TMEM45B: variants seen among roughly 807,000 people sequenced by gnomAD.
TMEM45B encodes the protein transmembrane protein 45B.
A neutral mutation model predicts 27.3 loss-of-function variants in TMEM45B; 29 were observed. The ratio of observed to expected loss-of-function variants is 1.06; its 90% CI spans 0.79 to 1.45. TMEM45B has a LOEUF of 1.45. TMEM45B is among the 40% of genes most tolerant of loss of function. TMEM45B has a pLI of 0.00. For synonymous variants in TMEM45B, 143 were observed against 134.7 expected, an observed-to-expected ratio of 1.06 and a Z score of -0.43; for missense variants, 348 against 343.9, an observed-to-expected ratio of 1.01 and a Z score of -0.09.
Position 129,859,277 on chromosome 11 carries a change from G to A in TMEM45B, c.*592G>A, listed in dbSNP as rs939948258. On this transcript the variant is annotated 3_prime_UTR_variant, in exon 6 of 6. Transcript: ENST00000281441. ...TACTGCAATACCACTGTTTATAAGTGACAAAATTAGGCCAAAGGTGATTTT... is the reference window on the plus strand; with the variant it reads ...TACTGCAATACCACTGTTTATAAGTAACAAAATTAGGCCAAAGGTGATTTT... 6.6e-6 allele frequency: 1 copy of A among 152,090 alleles called. No homozygotes were observed. Among genetic ancestry groups the A allele is most frequent in the African/African-American group, 2.4e-5 (1 of 41,404 alleles). The allele number at this position is 152,090 out of a possible 1,614,324, so 9.4% of individuals were successfully genotyped here.
chr11:129,842,798 T>A (rs1006537390), intron 1 of TMEM45B, among the ~76,000 whole-genome samples: 4 of 151,956 alleles, frequency 2.6e-5, no homozygotes, highest in Admixed American at 1.3e-4. Flanking sequence ...AGTAAAGGAG[T>A]AGGATTGCAT....
At chr11:129,854,936 C>A in intron 3 of TMEM45B, 120 bp downstream of exon 3, 1 of 1,207,250 alleles carries the variant, frequency 8.3e-7, no homozygotes, top group Non-Finnish European at 1.2e-6. Flanking sequence ...AAATCCACAT[C>A]TCTGGACTGC....
At chr11:129,853,114 A>G (rs1290282085) in intron 2 of TMEM45B, among the ~76,000 whole-genome samples, 2 of 152,178 alleles carry the variant, frequency 1.3e-5, no homozygotes, top group Non-Finnish European at 2.9e-5. Context: ...TCAAGCGCTT[A>G]TAGAGAGTTT....
intron 4 of TMEM45B, 129 bp downstream of exon 4, chr11:129,856,021 T>A: frequency 9.2e-7 from 1 of 1,082,956 alleles, no homozygotes; most frequent in Non-Finnish European, 1.3e-6. Flanking sequence ...CAAAGGGGTT[T>A]AGATGACCCT....
chr11:129,855,868 T>C lies in TMEM45B; in HGVS notation c.546T>C (p.Ile182=). ...VLELFRTSLI[I]LQGTWFWQIG... is the part of the protein sequence containing the mutation. ...AACTTTTCCGAACCAGTCTCATCAT[T>C]CTTCAGGGAACCTGGTTCTGGCAGG... The change falls in exon 4 of 6, where the codon ATT becomes ATC. Residue 182 remains isoleucine (I), a synonymous_variant. Coordinates refer to ENST00000281441, the MANE Select transcript of TMEM45B (RefSeq NM_138788.5). 6.2e-7 allele frequency: 1 copy of C among 1,614,170 alleles called. No homozygotes were observed. The highest frequency in any genetic ancestry group is 8.5e-7 in the Non-Finnish European group (1 of 1,180,032).
At chr11:129,842,167 G>A (rs1947704043) in intron 1 of TMEM45B, among the ~76,000 whole-genome samples, 3 of 152,182 alleles carry the variant, frequency 2.0e-5, no homozygotes, top group African/African-American at 7.2e-5. Flanking sequence ...CAGACCTTCA[G>A]ACACACATGG....
rs1947917638 is a variant in TMEM45B at position 129,855,905 on chromosome 11, AC to A, written c.570+16del. On this transcript the variant is annotated intron_variant, in intron 4 of 5. Transcript: ENST00000281441. ...CTGGTTCTGGCAGGTGATTTTCCACACCCAGGCCCCTCGCTGGTCTGGATGG... is the reference window on the plus strand; with the variant it reads ...CTGGTTCTGGCAGGTGATTTTCCACACCAGGCCCCTCGCTGGTCTGGATGG... The A allele has an allele frequency of 6.2e-7, 1 of 1,613,568 alleles. No individual in the cohort carries two copies. The highest frequency in any genetic ancestry group is 1.7e-5 in the Admixed American group (1 of 60,006).
chr11:129,853,195 ACT>A (rs1380661263), intron 2 of TMEM45B, among the ~76,000 whole-genome samples: 1 of 152,072 alleles, frequency 6.6e-6, no homozygotes, highest in Non-Finnish European at 1.5e-5. Flanking sequence ...ATTTTCCTTC[ACT>A]CTGCCCCATT....
chr11:129,820,362 G>T (rs1294496830), intron 1 of TMEM45B, among the ~76,000 whole-genome samples: 2 of 152,124 alleles, frequency 1.3e-5, no homozygotes, highest in Admixed American at 6.5e-5. Context: ...TTAATAAGGC[G>T]GGGGGAGAAT....
At chr11:129,816,003 G>T (rs1264392307) in intron 1 of TMEM45B, 105 bp downstream of exon 1, 7 of 1,234,456 alleles carry the variant, frequency 5.7e-6, no homozygotes, top group Admixed American at 8.4e-5. Context: ...GTTCCGACTC[G>T]CAGGGGACCT....
chr11:129,836,585 A>C (rs547308265), intron 1 of TMEM45B, among the ~76,000 whole-genome samples: 1 of 152,302 alleles, frequency 6.6e-6, no homozygotes, highest in South Asian at 2.1e-4. Context: ...GAAGTAATTA[A>C]ATTAAAATGA....
intron 1 of TMEM45B, among the ~76,000 whole-genome samples, chr11:129,820,636 G>A (rs1248558886): frequency 4.6e-5 from 7 of 152,110 alleles, no homozygotes; most frequent in East Asian, 1.9e-4. Context: ...AGGTGGTTGC[G>A]GGAATACATT....
chr11:129,848,733 A>T (rs1362537356), intron 1 of TMEM45B, among the ~76,000 whole-genome samples: 1 of 152,184 alleles, frequency 6.6e-6, no homozygotes, highest in Non-Finnish European at 1.5e-5. Flanking sequence ...ACAACAAAAT[A>T]CCACAGACTG....
At chr11:129,828,720 G>A (rs1253125959) in intron 1 of TMEM45B, among the ~76,000 whole-genome samples, 2 of 152,176 alleles carry the variant, frequency 1.3e-5, no homozygotes, top group African/African-American at 4.8e-5. Flanking sequence ...AATTCAGAAT[G>A]TAGAAAAACG....
At chr11:129,817,942 G>A (rs568051698) in intron 1 of TMEM45B, among the ~76,000 whole-genome samples, 53 of 152,288 alleles carry the variant, frequency 3.5e-4, no homozygotes, top group African/African-American at 1.2e-3. Context: ...ACTTTTTACT[G>A]TAAGAGAATT....
At chr11:129,827,912 G>A (rs1327324591) in intron 1 of TMEM45B, among the ~76,000 whole-genome samples, 8 of 152,154 alleles carry the variant, frequency 5.3e-5, no homozygotes, top group Non-Finnish European at 2.9e-5. Context: ...GGAGGTTGCA[G>A]TGAGTTGAGA....
At chr11:129,845,198 C>T (rs1372045353) in intron 1 of TMEM45B, among the ~76,000 whole-genome samples, 4 of 152,034 alleles carry the variant, frequency 2.6e-5, no homozygotes, top group African/African-American at 7.2e-5. Flanking sequence ...CACACGCACA[C>T]GTCTCTGCCT....
intron 1 of TMEM45B, among the ~76,000 whole-genome samples, chr11:129,824,314 C>T (rs1478568037): frequency 6.6e-6 from 1 of 152,184 alleles, no homozygotes; most frequent in African/African-American, 2.4e-5. Context: ...GGCATAAGTG[C>T]AGTCTCTCTT....
At chr11:129,853,674 C>A (rs1480229578) in intron 2 of TMEM45B, among the ~76,000 whole-genome samples, 3 of 152,026 alleles carry the variant, frequency 2.0e-5, no homozygotes, top group South Asian at 2.1e-4. Context: ...CTGTTCCAGG[C>A]ATAGGAGATA....
Sources: allele counts gnomAD v4.1 joint callset (sites outside exome capture counted in the v4.1 genomes callset), GRCh38; gene constraint gnomAD v4.1.1; transcripts MANE v1.5; gene names NCBI Gene and HGNC (gene_info 2026-07-23, HGNC 2026-07-21).